The following SHANK1 variants were observed in gnomAD, a reference collection of about 807,000 sequenced individuals.
SHANK1 encodes the protein SH3 and multiple ankyrin repeat domains 1, also known as SH3 and multiple ankyrin repeat domains protein 1.
In SHANK1, 35 loss-of-function variants were observed where a neutral mutation model predicts 165.6. The ratio of observed to expected loss-of-function variants is 0.21; its 90% CI spans 0.16 to 0.28. The LOEUF is 0.28. Ranked by LOEUF, SHANK1 falls within the 10% of genes least tolerant of loss-of-function variation. The pLI is 1.00. For missense variants in SHANK1, 2,681 were observed against 3,036.4 expected (o/e 0.88, Z 2.75); for synonymous variants, 1,428 against 1,384.8 (o/e 1.03, Z -0.69).
chr19:50,672,575 A>AAAAAAG (rs1568430009), intron 21 of SHANK1, among the ~76,000 whole-genome samples: 2 of 151,066 alleles, frequency 1.3e-5, no homozygotes, highest in Admixed American at 6.6e-5. Context: ...AAAAAAAAAA[A>AAAAAAG]AAAAAGAAAA....
At chr19:50,687,005 G>A in intron 19 of SHANK1, 193 bp from the exon 20 acceptor site, 1 of 1,480,868 alleles carries the variant, frequency 6.8e-7, no homozygotes, top group African/African-American at 1.5e-5. Context: ...CGCCAGTCCT[G>A]TGCCCACTCA....
In SHANK1 at chr19:50,705,628, T is replaced by C. The variant is rs528204034; in HGVS notation, c.1078-1114A>G. Among the ~76,000 whole-genome samples, 9 of 152,196 alleles carry C rather than the reference T, an allele frequency of 5.9e-5. No homozygotes were observed. The South Asian group carries it at 8.3e-4, about 14-fold the overall frequency. ...CCCGGTCTCTACCACTAGATGCCAG[T>C]AGCACTCCCCTCCCCAGTCATGACA... On this transcript the variant is annotated intron_variant, in intron 8 of 23. Transcript: ENST00000293441.
At chr19:50,682,673 G>T (rs1029927798) in intron 21 of SHANK1, among the ~76,000 whole-genome samples, 2 of 151,326 alleles carry the variant, frequency 1.3e-5, no homozygotes, top group Non-Finnish European at 2.9e-5. Flanking sequence ...AATACAGACT[G>T]GGGGGAGGCA....
At chr19:50,698,037 T>G in intron 12 of SHANK1, 81 bp from the exon 13 acceptor site, 1 of 997,166 alleles carries the variant, frequency 1.0e-6, no homozygotes, top group South Asian at 1.4e-5. Flanking sequence ...ACTTAGAGCA[T>G]TCCCACAGTT....
chr19:50,713,136 G>T lies in SHANK1; in HGVS notation c.792+662C>A, dbSNP rs765549178. The stretch of plus-strand genomic sequence containing the variant: ...CGTTTAGCTGGAGCAGCTGTGCGTC[G>T]GGGTGCTTCTCAATGGCTGTCTTTG... On this transcript the variant is annotated intron_variant, in intron 6 of 23. Coordinates refer to ENST00000293441, the MANE Select transcript of SHANK1 (RefSeq NM_016148.5). This position sits in a 1 kb window ranked among gnomAD's most constrained non-coding sequence, Gnocchi z 6.2. Among the ~76,000 whole-genome samples, 1 of 152,184 alleles carries T rather than the reference G, an allele frequency of 6.6e-6. No homozygotes were observed.
intron 21 of SHANK1, among the ~76,000 whole-genome samples, chr19:50,681,269 G>T (rs1473974019): frequency 6.6e-6 from 1 of 152,114 alleles, no homozygotes; most frequent in Non-Finnish European, 1.5e-5. Context: ...ACATGAGAGG[G>T]GGACCTGGAG....
intron 21 of SHANK1, among the ~76,000 whole-genome samples, chr19:50,685,453 G>A (rs543790271): frequency 6.6e-5 from 10 of 152,228 alleles, no homozygotes; most frequent in Admixed American, 2.6e-4. Context: ...TGTCTGGCTG[G>A]TGGCTCACGC....
rs1986512821 is a variant in SHANK1, at chr19:50,690,750, A to G, written c.1965-1471T>C. Among the ~76,000 whole-genome samples, 1 of 152,026 alleles carries G rather than the reference A, an allele frequency of 6.6e-6. No homozygotes were observed. The highest frequency in any genetic ancestry group is 6.5e-5 in the Admixed American group (1 of 15,270). On this transcript the variant is annotated intron_variant, in intron 15 of 23. Transcript: ENST00000293441. This position sits in a 1 kb window ranked among gnomAD's most constrained non-coding sequence, Gnocchi z 4.9. ...CCCCCACACATCCCAGTATGTTCCA[A>G]TAATAACTCCCCCTCACTCGGATCT... is the stretch of plus-strand genomic sequence containing the variant.
At position 50,716,937 on chromosome 19, in the gene SHANK1, A is replaced by T. The variant is rs780921290; in HGVS notation, c.-18T>A. On this transcript the variant is annotated 5_prime_UTR_variant, in exon 2 of 24. Coordinates refer to ENST00000293441, the MANE Select transcript of SHANK1 (RefSeq NM_016148.5). This position sits in a 1 kb window ranked among gnomAD's most constrained non-coding sequence, Gnocchi z 8.4. ...TGGGTCATTGTGGGGCCACGGGGCG[A>T]CGGGGGACGGCAGCATCACAGGCGG... is the stretch of plus-strand genomic sequence containing the variant. 219 of 1,419,136 alleles carry T rather than the reference A, an allele frequency of 1.5e-4. No individual in the cohort carries two copies. The highest frequency in any genetic ancestry group is 1.6e-4 in the Non-Finnish European group (173 of 1,087,322). 87.9% of individuals were successfully genotyped at this position (1,419,136 alleles called of 1,614,324 possible). A position where few individuals can be genotyped will look rare whatever the true frequency, so the allele number is the denominator to read the frequency against.
chr19:50,672,316 C>A (rs541787108), intron 21 of SHANK1, among the ~76,000 whole-genome samples: 1 of 152,172 alleles, frequency 6.6e-6, no homozygotes, highest in Admixed American at 6.5e-5. Flanking sequence ...GAGGCTGAGG[C>A]AGGAGGATCA....
At chr19:50,679,787 G>C (rs960150321) in intron 21 of SHANK1, among the ~76,000 whole-genome samples, 1 of 152,168 alleles carries the variant, frequency 6.6e-6, no homozygotes, top group Admixed American at 6.5e-5. Context: ...GACAGAGACA[G>C]AGAGAGGGAG....
chr19:50,691,188 G>A (rs574259763), intron 15 of SHANK1, among the ~76,000 whole-genome samples: 4 of 152,256 alleles, frequency 2.6e-5, no homozygotes, highest in African/African-American at 9.6e-5. Flanking sequence ...AAAGGGAGAG[G>A]GGAAGGGAGG....
In SHANK1 at chr19:50,666,372, A is replaced by G; in HGVS notation, c.5588T>C (p.Leu1863Ser). 1 of 1,613,706 alleles carries G rather than the reference A, an allele frequency of 6.2e-7. No individual in the cohort carries two copies. The highest frequency in any genetic ancestry group is 8.5e-7 in the Non-Finnish European group (1 of 1,179,928). The part of the protein sequence containing the change: ...GPLAQPQASA[L>S]ATVKASIISE... ...GATGATGCTGGCTTTTACTGTGGCC[A>G]AGGCTGAGGCCTGAGGCTGGGCCAA... is the stretch of plus-strand genomic sequence containing the variant. Residue 1863 changes from leucine (L) to serine (S), a missense_variant, in exon 23 of 24, where the codon TTG becomes TCG. This residue lies in a region of SHANK1 where 1,713 missense variants were observed against 1,630.2 expected (regional missense o/e 1.05). Transcript: ENST00000293441.
In SHANK1 at chr19:50,684,989, G is replaced by A. The variant is rs146087051; in HGVS notation, c.2577+1248C>T. ...TAAGCATTATTCTGAGAAGGACCAC[G>A]GCAGCCTGCCAAAGAGATCCATGAC... is the stretch of plus-strand genomic sequence containing the variant. On this transcript the variant is annotated intron_variant, in intron 21 of 23. Transcript: ENST00000293441. 6.5e-3 allele frequency among the ~76,000 whole-genome samples: 995 copies of A among 152,248 alleles called. 21 individuals are homozygous for A. Among genetic ancestry groups the A allele is most frequent in the East Asian group, 0.028 (144 of 5,186 alleles).
intron 12 of SHANK1, among the ~76,000 whole-genome samples, chr19:50,698,669 T>C (rs138707037): frequency 1.3e-5 from 2 of 152,226 alleles, no homozygotes; most frequent in East Asian, 3.9e-4. Flanking sequence ...CCACTTTCAT[T>C]ATCCCCCTTT....
At position 50,697,921 on chromosome 19, in the gene SHANK1, G is replaced by C; in HGVS notation, c.1783C>G (p.Gln595Glu). The change falls in exon 13 of 24, where the codon CAG (glutamine) becomes GAG (glutamate). Residue 595 changes from glutamine to glutamate, a missense_variant. Physicochemically the swap from Gln to Glu is conservative, Grantham distance 29 (BLOSUM62 2). Transcript: ENST00000293441. The surrounding 1 kb of genome is among the most constrained non-coding windows in gnomAD (Gnocchi z 4.7). Reference protein sequence around the residue: ...SIGEGGFWEGQVKGRVGWFPS... With the variant: ...SIGEGGFWEGEVKGRVGWFPS... ...AACCAGCCAACACGACCTTTGACCT[G>C]GCCTTCCCAGAAGCCTCCTTCCCCG... 3 of 1,614,010 alleles carry C rather than the reference G, an allele frequency of 1.9e-6. No homozygotes were observed. The highest frequency in any genetic ancestry group is 2.2e-5 in the South Asian group (2 of 91,076).
chr19:50,714,998 G>C (rs758155678), intron 4 of SHANK1, among the ~76,000 whole-genome samples: 12 of 152,128 alleles, frequency 7.9e-5, no homozygotes, highest in Non-Finnish European at 1.6e-4. Flanking sequence ...GGAACATTTA[G>C]GGGAGGAAAG....
chr19:50,660,913 C>A lies in SHANK1; in HGVS notation c.*1052G>T, dbSNP rs531372931. Among the ~76,000 whole-genome samples, 1 of 111,492 alleles carries A rather than the reference C, an allele frequency of 9.0e-6. No homozygotes were observed. The highest frequency in any genetic ancestry group is 1.7e-5 in the Non-Finnish European group (1 of 58,536). The allele number at this position is 111,492 out of a possible 152,430, so 73.1% of individuals were successfully genotyped here. ...GTGCAAAAGGCGTGACCAAAAGTGA[C>A]GGTGCAAAAGGGGCAAGAGGGAAGG... On this transcript the variant is annotated 3_prime_UTR_variant, in exon 24 of 24. Coordinates refer to ENST00000293441, the MANE Select transcript of SHANK1 (RefSeq NM_016148.5).
Position 50,696,872 on chromosome 19 carries a change from G to A in SHANK1, c.1964+224C>T, listed in dbSNP as rs965847617. ...GCCCCACAGTCATCATAGCCACAAA[G>A]GCACCAGTATATACAGAGCAGGGCA... On this transcript the variant is annotated intron_variant, in intron 15 of 23. Transcript: ENST00000293441. Among the ~76,000 whole-genome samples, 40 of 152,054 alleles carry A rather than the reference G, an allele frequency of 2.6e-4. 1 individual carries two copies. The highest frequency in any genetic ancestry group is 2.5e-4 in the Non-Finnish European group (17 of 68,014).
Sources: gnomAD v4.1 joint callset for allele counts (sites outside exome capture counted in the v4.1 genomes callset) on GRCh38, gnomAD v4.1.1 for gene constraint, gnomAD v4.1.1 regional missense constraint, Gnocchi (gnomAD v3.1) non-coding constraint, MANE v1.5 for transcripts, NCBI Gene and HGNC (gene_info 2026-07-23, HGNC 2026-07-21) for gene names.